The following ZNF804B variants were observed in gnomAD, a reference collection of about 807,000 sequenced individuals.
ZNF804B encodes zinc finger protein 804B.
ZNF804B carries 80 observed loss-of-function variants against 101.4 expected under a neutral mutation model. The ratio of observed to expected loss-of-function variants is 0.79; its 90% CI spans 0.66 to 0.95. The LOEUF (loss-of-function observed/expected upper bound fraction) is 0.95, where lower values mean the gene tolerates loss of function less well. ZNF804B is among the 40% of genes least tolerant of loss of function. The pLI is 0.00. For missense variants in ZNF804B, 1,673 were observed against 1,561.9 expected (o/e 1.07, Z -1.20); for synonymous variants, 622 against 558.8 (o/e 1.11, Z -1.59).
chr7:89,090,831 C>T (rs879549348), intron 1 of ZNF804B, among the ~76,000 whole-genome samples: 1 of 151,832 alleles, frequency 6.6e-6, no homozygotes, highest in Non-Finnish European at 1.5e-5. Context: ...TAAAAATATA[C>T]ATATACCCAC....
At chr7:88,916,931 AG>A (rs1792641127) in intron 1 of ZNF804B, among the ~76,000 whole-genome samples, 1 of 152,120 alleles carries the variant, frequency 6.6e-6, no homozygotes. Flanking sequence ...ATGCAGGTCT[AG>A]AAGCTTTAAA....
chr7:89,147,312 C>T (rs1200268645), intron 1 of ZNF804B, among the ~76,000 whole-genome samples: 1 of 151,806 alleles, frequency 6.6e-6, no homozygotes, highest in Non-Finnish European at 1.5e-5. Flanking sequence ...GAGCAATGAC[C>T]AGATCCCTAT....
intron 1 of ZNF804B, among the ~76,000 whole-genome samples, chr7:88,918,560 A>C (rs946395772): frequency 2.0e-5 from 3 of 152,142 alleles, no homozygotes; most frequent in East Asian, 3.8e-4. Context: ...AGATTTAAAC[A>C]CTCATAATGG....
chr7:88,777,051 T>C (rs1213908976), intron 1 of ZNF804B, among the ~76,000 whole-genome samples: 1 of 152,178 alleles, frequency 6.6e-6, no homozygotes, highest in African/African-American at 2.4e-5. Context: ...AGCAGTATTA[T>C]GTGGACCTTA....
intron 1 of ZNF804B, among the ~76,000 whole-genome samples, chr7:89,044,783 C>T (rs891256725): frequency 6.6e-6 from 1 of 151,986 alleles, no homozygotes; most frequent in African/African-American, 2.4e-5. Flanking sequence ...GCAAAATATT[C>T]AAGAAGAAGC....
At chr7:88,961,350 G>A (rs866506712) in intron 1 of ZNF804B, among the ~76,000 whole-genome samples, 15 of 151,222 alleles carry the variant, frequency 9.9e-5, no homozygotes, top group African/African-American at 3.4e-4. Context: ...TCTTTAACGT[G>A]GTTGTTTGCT....
chr7:89,230,757 T>C (rs1370390809), intron 2 of ZNF804B, among the ~76,000 whole-genome samples: 1 of 142,148 alleles, frequency 7.0e-6, no homozygotes, highest in African/African-American at 2.5e-5. Flanking sequence ...GCTACAGGCC[T>C]TTTCCTAACT....
chr7:88,807,204 G>T (rs1178963988), intron 1 of ZNF804B, among the ~76,000 whole-genome samples: 1 of 152,066 alleles, frequency 6.6e-6, no homozygotes, highest in African/African-American at 2.4e-5. Flanking sequence ...ATTAGTTTCA[G>T]GCTGTGATTG....
At chr7:89,035,870 A>T (rs936988191) in intron 1 of ZNF804B, among the ~76,000 whole-genome samples, 8 of 146,324 alleles carry the variant, frequency 5.5e-5, no homozygotes, top group Admixed American at 3.5e-4. Flanking sequence ...TATATATATT[A>T]TATTATATAT....
At chr7:89,303,110 A>G (rs1190819270) in intron 2 of ZNF804B, among the ~76,000 whole-genome samples, 1 of 151,850 alleles carries the variant, frequency 6.6e-6, no homozygotes, top group Admixed American at 6.6e-5. Flanking sequence ...ACATTTGGAA[A>G]AAGCCAAGAT....
intron 1 of ZNF804B, among the ~76,000 whole-genome samples, chr7:88,956,040 T>C (rs1183146920): frequency 6.6e-6 from 1 of 151,620 alleles, no homozygotes. Context: ...CAAGCTATCA[T>C]CTTACTCCAG....
Position 88,975,092 on chromosome 7 carries a change from G to A in ZNF804B, c.108+215008G>A, listed in dbSNP as rs545001634. Among the ~76,000 whole-genome samples, 26 of 151,388 alleles carry A rather than the reference G, an allele frequency of 1.7e-4. No individual in the cohort carries two copies. In the South Asian group the frequency reaches 4.4e-3, roughly 25 times the overall value. On this transcript the variant is annotated intron_variant, in intron 1 of 3. Transcript: ENST00000333190. The stretch of plus-strand genomic sequence containing the variant: ...AATGTCTTCCAGTTCTATCCATTTC[G>A]TTGCAGATGACAGAATGGCATTTTT...
At chr7:88,765,153 G>A (rs1789961861) in intron 1 of ZNF804B, among the ~76,000 whole-genome samples, 1 of 151,908 alleles carries the variant, frequency 6.6e-6, no homozygotes, top group Non-Finnish European at 1.5e-5. Context: ...CTATAATTTT[G>A]GCTTTTATTA....
chr7:88,773,876 A>C (rs1790105673), intron 1 of ZNF804B, among the ~76,000 whole-genome samples: 1 of 152,082 alleles, frequency 6.6e-6, no homozygotes, highest in Non-Finnish European at 1.5e-5. Flanking sequence ...GGACAGCACA[A>C]AGCCATGAGG....
At chr7:88,816,785 G>A (rs917808784) in intron 1 of ZNF804B, among the ~76,000 whole-genome samples, 4 of 143,854 alleles carry the variant, frequency 2.8e-5, no homozygotes, top group Admixed American at 7.1e-5. Context: ...GCTGTTGGTG[G>A]GACTGTAAAC....
intron 1 of ZNF804B, among the ~76,000 whole-genome samples, chr7:88,928,634 A>G (rs542175399): frequency 6.6e-6 from 1 of 152,254 alleles, no homozygotes; most frequent in African/African-American, 2.4e-5. Flanking sequence ...GCCTTTAGAG[A>G]ACAAGGTAAT....
rs759939483 is a variant in ZNF804B, at chr7:89,109,561, G to C, written c.109-108594G>C. Among the ~76,000 whole-genome samples, 3 of 152,050 alleles carry C rather than the reference G, an allele frequency of 2.0e-5. No individual in the cohort carries two copies. The East Asian group carries it at 5.8e-4, about 29-fold the overall frequency. On this transcript the variant is annotated intron_variant, in intron 1 of 3. Transcript: ENST00000333190. ...GAAATTCATCAGTTTTCCACATTTT[G>C]ATTTCATTTTCTTGGTAACTTCTCT...
intron 2 of ZNF804B, among the ~76,000 whole-genome samples, chr7:89,266,356 T>C (rs1353541453): frequency 6.6e-6 from 1 of 152,190 alleles, no homozygotes; most frequent in Non-Finnish European, 1.5e-5. Flanking sequence ...TGAGTGACTG[T>C]ACTGCCTGAT....
At chr7:89,134,783 T>A (rs562030434) in intron 1 of ZNF804B, among the ~76,000 whole-genome samples, 1 of 152,106 alleles carries the variant, frequency 6.6e-6, no homozygotes, top group East Asian at 1.9e-4. Flanking sequence ...ATAACCCATA[T>A]TTTATTGCTC....
Sources: gnomAD v4.1 joint callset for allele counts (sites outside exome capture counted in the v4.1 genomes callset) on GRCh38, gnomAD v4.1.1 for gene constraint, MANE v1.5 for transcripts, NCBI Gene and HGNC (gene_info 2026-07-23, HGNC 2026-07-21) for gene names.